Variants in ZNF385B observed in about 807,000 individuals in gnomAD.
ZNF385B encodes the protein zinc finger protein 533.
In ZNF385B, 23 loss-of-function variants were observed where a neutral mutation model predicts 39.2. That is an observed-to-expected ratio of 0.59 (90% CI 0.42 to 0.83). The LOEUF (loss-of-function observed/expected upper bound fraction) is 0.83, where lower values mean the gene tolerates loss of function less well. Ranked by LOEUF, ZNF385B falls within the 40% of genes least tolerant of loss-of-function variation. ZNF385B has a pLI of 0.00. For missense variants in ZNF385B, 552 were observed against 598.9 expected, an observed-to-expected ratio of 0.92 and a Z score of 0.82; for synonymous variants, 205 against 222.6, an observed-to-expected ratio of 0.92 and a Z score of 0.70.
chr2:179,759,964 A>G (rs1703268461), intron 3 of ZNF385B, among the ~76,000 whole-genome samples: 1 of 152,102 alleles, frequency 6.6e-6, no homozygotes. Context: ...TGAAATTTTT[A>G]TCAAGATAAT....
In ZNF385B at chr2:179,483,263, G is replaced by C. The variant is rs1332838738; in HGVS notation, c.715+9C>G. On this transcript the variant is annotated intron_variant, in intron 6 of 9. Transcript: ENST00000410066. ...ACAAAGAATGTAAAGAACAAAAAGT[G>C]TCATTGACCTGATTTGTCAGAGTTG... is the stretch of plus-strand genomic sequence containing the variant. 6.2e-7 allele frequency: 1 copy of C among 1,613,684 alleles called. No individual in the cohort carries two copies. The highest frequency in any genetic ancestry group is 1.1e-5 in the South Asian group (1 of 91,066).
At chr2:179,753,507 A>C (rs568727937) in intron 3 of ZNF385B, among the ~76,000 whole-genome samples, 3 of 152,270 alleles carry the variant, frequency 2.0e-5, no homozygotes, top group Admixed American at 2.0e-4. Flanking sequence ...GGATAGCATT[A>C]AATCTATAAA....
intron 1 of ZNF385B, among the ~76,000 whole-genome samples, chr2:179,839,046 A>G (rs188790026): frequency 3.3e-5 from 5 of 152,294 alleles, no homozygotes; most frequent in Non-Finnish European, 7.4e-5. Context: ...AGGAGGAAAA[A>G]TATCTAGAAT....
At chr2:179,503,067 G>T (rs1024776741) in intron 5 of ZNF385B, among the ~76,000 whole-genome samples, 5 of 152,092 alleles carry the variant, frequency 3.3e-5, no homozygotes, top group African/African-American at 1.2e-4. Flanking sequence ...TAGAGATGGG[G>T]TTTTACCATG....
At chr2:179,615,215 T>G (rs1047214499) in intron 3 of ZNF385B, among the ~76,000 whole-genome samples, 6 of 152,224 alleles carry the variant, frequency 3.9e-5, no homozygotes, top group Admixed American at 1.3e-4. Flanking sequence ...TCACTAAATT[T>G]GTTTCTAAAT....
At chr2:179,588,714 C>T (rs16866819) in intron 3 of ZNF385B, among the ~76,000 whole-genome samples, 16,487 of 152,160 alleles carry the variant, frequency 0.11, 1,071 homozygotes, top group Middle Eastern at 0.2. Context: ...GTCAGCCTGC[C>T]TAGTGACTGA....
At chr2:179,537,678 C>T (rs2059660123) in intron 4 of ZNF385B, among the ~76,000 whole-genome samples, 1 of 151,704 alleles carries the variant, frequency 6.6e-6, no homozygotes, top group Non-Finnish European at 1.5e-5. Flanking sequence ...CAGGTGGAGG[C>T]TGCAGTGAGC....
At chr2:179,725,085 C>T (rs1700920966) in intron 3 of ZNF385B, among the ~76,000 whole-genome samples, 1 of 151,940 alleles carries the variant, frequency 6.6e-6, no homozygotes, top group South Asian at 2.1e-4. Context: ...TTATGGGAAA[C>T]TACACAACAG....
intron 6 of ZNF385B, among the ~76,000 whole-genome samples, chr2:179,458,992 CAGAA>C (rs772683651): frequency 2.0e-5 from 3 of 152,182 alleles, no homozygotes; most frequent in Non-Finnish European, 4.4e-5. Context: ...ACCAAGAACT[CAGAA>C]GGAGAGAAAA....
intron 1 of ZNF385B, among the ~76,000 whole-genome samples, chr2:179,827,968 T>C (rs1707771455): frequency 6.6e-6 from 1 of 152,226 alleles, no homozygotes; most frequent in South Asian, 2.1e-4. Context: ...TTATGTAGAA[T>C]TTATTCTTTT....
intron 3 of ZNF385B, among the ~76,000 whole-genome samples, chr2:179,566,935 G>T (rs1167950518): frequency 7.6e-6 from 1 of 131,338 alleles, no homozygotes; most frequent in Non-Finnish European, 1.6e-5. Flanking sequence ...TTTTTTTTGA[G>T]ACGGGGTCTC....
chr2:179,691,242 C>T (rs368668531), intron 3 of ZNF385B, among the ~76,000 whole-genome samples: 1 of 152,060 alleles, frequency 6.6e-6, no homozygotes, highest in Admixed American at 6.5e-5. Flanking sequence ...CCTATGAAAA[C>T]GAACTCAAAA....
chr2:179,667,859 T>G (rs901799838), intron 3 of ZNF385B, among the ~76,000 whole-genome samples: 3 of 152,194 alleles, frequency 2.0e-5, no homozygotes, highest in Non-Finnish European at 4.4e-5. Context: ...ACATCAGTTG[T>G]ATTTAAGTCC....
chr2:179,844,795 C>T (rs1416999627), intron 1 of ZNF385B, among the ~76,000 whole-genome samples: 2 of 152,192 alleles, frequency 1.3e-5, no homozygotes, highest in Non-Finnish European at 2.9e-5. Context: ...TTATATCAAG[C>T]TCTATCACTC....
chr2:179,811,954 A>G (rs1301581048), intron 1 of ZNF385B, among the ~76,000 whole-genome samples: 1 of 152,204 alleles, frequency 6.6e-6, no homozygotes, highest in African/African-American at 2.4e-5. Context: ...AACAAGCAAA[A>G]AACAACCCAT....
intron 3 of ZNF385B, among the ~76,000 whole-genome samples, chr2:179,624,744 G>C (rs1226436678): frequency 6.6e-6 from 1 of 152,190 alleles, no homozygotes; most frequent in Admixed American, 6.5e-5. Flanking sequence ...AGATAGGGAA[G>C]TCGGTAAACT....
chr2:179,574,157 AT>A (rs527720643), intron 3 of ZNF385B, among the ~76,000 whole-genome samples: 249 of 152,266 alleles, frequency 1.6e-3, no homozygotes, highest in African/African-American at 5.7e-3. Context: ...TCAGGCCTGA[AT>A]TAAGGGGTTT....
At chr2:179,786,704 T>C (rs1232542838) in intron 1 of ZNF385B, among the ~76,000 whole-genome samples, 1 of 151,940 alleles carries the variant, frequency 6.6e-6, no homozygotes, top group Non-Finnish European at 1.5e-5. Flanking sequence ...TTTTCTTTTT[T>C]TTTTTTCATT....
chr2:179,669,181 C>G (rs1695578603), intron 3 of ZNF385B, among the ~76,000 whole-genome samples: 1 of 151,958 alleles, frequency 6.6e-6, no homozygotes, highest in Non-Finnish European at 1.5e-5. Context: ...AAACTGAAGC[C>G]CAGAGACTCT....
Sources: gnomAD v4.1 joint callset for allele counts (sites outside exome capture counted in the v4.1 genomes callset) on GRCh38, gnomAD v4.1.1 for gene constraint, MANE v1.5 for transcripts, NCBI Gene and HGNC (gene_info 2026-07-23, HGNC 2026-07-21) for gene names.